Variants in GAB2 observed in about 807,000 individuals in gnomAD.
GAB2 encodes GRB2 associated binding protein 2.
GAB2 carries 26 observed loss-of-function variants against 65.5 expected under a neutral mutation model. The ratio of observed to expected loss-of-function variants is 0.40; its 90% CI spans 0.29 to 0.55. The LOEUF (loss-of-function observed/expected upper bound fraction) is 0.55. GAB2 is among the 20% of genes least tolerant of loss of function. GAB2 has a pLI of 0.53. For missense variants in GAB2, 884 were observed against 875.8 expected (o/e 1.01, Z -0.12); for synonymous variants, 321 against 329.6 (o/e 0.97, Z 0.28).
chr11:78,374,406 G>A (rs999788018), intron 1 of GAB2, among the ~76,000 whole-genome samples: 1 of 152,116 alleles, frequency 6.6e-6, no homozygotes, highest in Non-Finnish European at 1.5e-5. Flanking sequence ...TATTGTCCAT[G>A]TCAACAAACC....
intron 1 of GAB2, among the ~76,000 whole-genome samples, chr11:78,395,048 G>C (rs1856878427): frequency 6.6e-6 from 1 of 151,854 alleles, no homozygotes; most frequent in Non-Finnish European, 1.5e-5. Flanking sequence ...CTGGGCAACT[G>C]GGCACTGGAA....
chr11:78,251,415 G>A (rs1365875163), intron 2 of GAB2, among the ~76,000 whole-genome samples: 1 of 152,156 alleles, frequency 6.6e-6, no homozygotes, highest in Non-Finnish European at 1.5e-5. Context: ...AGTAAGTGAG[G>A]TATTAAGGAC....
intron 1 of GAB2, among the ~76,000 whole-genome samples, chr11:78,413,137 AAAT>A (rs1857150486): frequency 6.6e-6 from 1 of 152,222 alleles, no homozygotes; most frequent in Admixed American, 6.5e-5. Context: ...GGAAACATTC[AAAT>A]AGAGATGCCC....
At chr11:78,248,545 A>G (rs1232943416) in intron 3 of GAB2, among the ~76,000 whole-genome samples, 1 of 152,224 alleles carries the variant, frequency 6.6e-6, no homozygotes, top group African/African-American at 2.4e-5. Context: ...CACTACAACT[A>G]TGATTTTAAG....
intron 1 of GAB2, among the ~76,000 whole-genome samples, chr11:78,344,349 G>C (rs1023220106): frequency 2.0e-5 from 3 of 151,716 alleles, no homozygotes; most frequent in Admixed American, 1.3e-4. Context: ...TCTTCAATCA[G>C]GAAAAAAATC....
At chr11:78,234,488 A>G (rs1360244473) in intron 3 of GAB2, among the ~76,000 whole-genome samples, 1 of 151,588 alleles carries the variant, frequency 6.6e-6, no homozygotes, top group African/African-American at 2.4e-5. Context: ...TATTATTCCT[A>G]TATGAATGTC....
intron 8 of GAB2, among the ~76,000 whole-genome samples, chr11:78,221,050 C>A (rs1864398720): frequency 6.6e-6 from 1 of 152,234 alleles, no homozygotes; most frequent in African/African-American, 2.4e-5. Flanking sequence ...CTTCAGATGA[C>A]ACGCTCTAGG....
At chr11:78,321,139 T>A (rs1044309621) in intron 1 of GAB2, among the ~76,000 whole-genome samples, 4 of 152,138 alleles carry the variant, frequency 2.6e-5, no homozygotes, top group Non-Finnish European at 5.9e-5. Flanking sequence ...TACATTTGGA[T>A]GTCATCAGCA....
At chr11:78,289,048 A>T (rs1866572247) in intron 1 of GAB2, among the ~76,000 whole-genome samples, 1 of 152,238 alleles carries the variant, frequency 6.6e-6, no homozygotes, top group Admixed American at 6.5e-5. Flanking sequence ...CAGAAAACCC[A>T]GAAACAGACC....
At chr11:78,230,791 C>T (rs184709925) in intron 3 of GAB2, among the ~76,000 whole-genome samples, 1 of 152,342 alleles carries the variant, frequency 6.6e-6, no homozygotes, top group East Asian at 1.9e-4. Flanking sequence ...CTGGGTGCCC[C>T]CACTGCGCAA....
chr11:78,301,999 G>T (rs1460764985), intron 1 of GAB2, among the ~76,000 whole-genome samples: 1 of 152,180 alleles, frequency 6.6e-6, no homozygotes, highest in East Asian at 1.9e-4. Context: ...GTAGTAGAAT[G>T]AAACTGGATC....
At chr11:78,269,500 G>T (rs1024521227) in intron 2 of GAB2, among the ~76,000 whole-genome samples, 1 of 152,180 alleles carries the variant, frequency 6.6e-6, no homozygotes, top group African/African-American at 2.4e-5. Flanking sequence ...TCTCCCTGCT[G>T]TAAGAAATCC....
rs542797571 is a variant in GAB2, at chr11:78,217,196, C to T, written c.*2076G>A. 9.2e-5 allele frequency: 14 copies of T among 152,410 alleles called. No individual in the cohort carries two copies. Among genetic ancestry groups the T allele is most frequent in the Admixed American group, 5.9e-4 (9 of 15,280 alleles). 9.4% of individuals were successfully genotyped at this position (152,410 alleles called of 1,614,324 possible). A position where few individuals can be genotyped will look rare whatever the true frequency, so the allele number is the denominator to read the frequency against. On this transcript the variant is annotated 3_prime_UTR_variant, in exon 10 of 10. Coordinates refer to ENST00000361507, the MANE Select transcript of GAB2 (RefSeq NM_080491.3). ...AAGTACTTCCTCTGCCCTCCATCAG[C>T]ATTTGAAGTCTCTGTCTGATGGCCA...
chr11:78,252,944 A>G (rs1865496164), intron 2 of GAB2, among the ~76,000 whole-genome samples: 1 of 148,350 alleles, frequency 6.7e-6, no homozygotes. Context: ...TCACGTCATT[A>G]TGTCACCGTC....
At chr11:78,347,011 T>C (rs898869818) in intron 1 of GAB2, among the ~76,000 whole-genome samples, 4 of 151,752 alleles carry the variant, frequency 2.6e-5, no homozygotes, top group African/African-American at 9.7e-5. Flanking sequence ...TTTCCAAAAA[T>C]AAAAAATCAA....
chr11:78,391,230 G>C (rs528388806), intron 1 of GAB2, among the ~76,000 whole-genome samples: 26 of 152,250 alleles, frequency 1.7e-4, no homozygotes, highest in Non-Finnish European at 3.1e-4. Flanking sequence ...GGGAGGTTGA[G>C]GCTGCAATGA....
At chr11:78,268,838 A>C (rs1865936518) in intron 2 of GAB2, among the ~76,000 whole-genome samples, 1 of 151,824 alleles carries the variant, frequency 6.6e-6, no homozygotes, top group Non-Finnish European at 1.5e-5. Context: ...GAGGATTTGG[A>C]ATTCCCTGAA....
chr11:78,384,375 T>C (rs1419192357), intron 1 of GAB2, among the ~76,000 whole-genome samples: 2 of 152,192 alleles, frequency 1.3e-5, no homozygotes, highest in Non-Finnish European at 2.9e-5. Context: ...GGAGCTTCCA[T>C]TATCATGAAG....
rs528330853 is a variant in GAB2, at chr11:78,292,085, A to G, written c.76-11184T>C. On this transcript the variant is annotated intron_variant, in intron 1 of 9. Coordinates refer to ENST00000361507, the MANE Select transcript of GAB2 (RefSeq NM_080491.3). ...TGAATTTTTAAAAAATAAGGCAAAG[A>G]GCTTTTTGAAGATACAACTGTTATG... Among the ~76,000 whole-genome samples the G allele has an allele frequency of 2.6e-3, 393 of 152,078 alleles. 7 individuals carry two copies. The highest frequency in any genetic ancestry group is 0.02 in the Middle Eastern group (6 of 294).
Sources: gnomAD v4.1 joint callset for allele counts (sites outside exome capture counted in the v4.1 genomes callset) on GRCh38, gnomAD v4.1.1 for gene constraint, MANE v1.5 for transcripts, NCBI Gene and HGNC (gene_info 2026-07-23, HGNC 2026-07-21) for gene names.